The following MECOM variants were observed in gnomAD, a reference collection of about 807,000 sequenced individuals.
The protein encoded by MECOM is MDS1 and EVI1 complex locus.
MECOM carries 13 observed loss-of-function variants against 116.3 expected under a neutral mutation model. That is an observed-to-expected ratio of 0.11 (90% CI 0.07 to 0.18). The LOEUF (loss-of-function observed/expected upper bound fraction) is 0.18. Among genes scored for constraint, MECOM ranks in the 10% least tolerant of loss-of-function variants. The pLI is 1.00. For synonymous variants in MECOM, 528 were observed against 535.2 expected (o/e 0.99, Z 0.19); for missense variants, 1,299 against 1,509.0 (o/e 0.86, Z 2.31).
chr3:169,385,103 C>CAAA (rs751654546), intron 1 of MECOM, among the ~76,000 whole-genome samples: 10 of 81,286 alleles, frequency 1.2e-4, no homozygotes, highest in Admixed American at 5.0e-4. Flanking sequence ...GACCCTGTCT[C>CAAA]AAAAAAAAAA....
At chr3:169,097,392 A>C (rs980361368) in intron 12 of MECOM, among the ~76,000 whole-genome samples, 1 of 152,150 alleles carries the variant, frequency 6.6e-6, no homozygotes, top group Non-Finnish European at 1.5e-5. Context: ...CAATTCCAAT[A>C]AGAGCCTAAG....
In MECOM at chr3:169,232,641, TAA is replaced by T. The variant is rs1753538515; in HGVS notation, c.376-88811_376-88810del. The stretch of plus-strand genomic sequence containing the variant: ...TACATAGGAATCCAGTAACCATTTG[TAA>T]AATATATATATATATATATGTATAC... On this transcript the variant is annotated intron_variant, in intron 2 of 16. Transcript: ENST00000651503. Among the ~76,000 whole-genome samples the T allele has an allele frequency of 3.9e-5, 4 of 103,480 alleles. No individual in the cohort carries two copies. In the South Asian group the frequency reaches 1.1e-3, roughly 29 times the overall value. 67.9% of individuals were successfully genotyped at this position (103,480 alleles called of 152,430 possible). A position where few individuals can be genotyped will look rare whatever the true frequency, so the allele number is the denominator to read the frequency against.
At chr3:169,441,744 T>TTTTTTTTG (rs1237906532) in intron 1 of MECOM, among the ~76,000 whole-genome samples, 11 of 142,098 alleles carry the variant, frequency 7.7e-5, no homozygotes, top group South Asian at 2.3e-4. Context: ...TTTTTTTTTT[T>TTTTTTTTG]AAAAAAGGGG....
chr3:169,193,990 A>G (rs1456327840), intron 2 of MECOM, among the ~76,000 whole-genome samples: 1 of 152,068 alleles, frequency 6.6e-6, no homozygotes, highest in East Asian at 1.9e-4. Flanking sequence ...TCCTCCAAAT[A>G]CTAATACTGT....
intron 1 of MECOM, among the ~76,000 whole-genome samples, chr3:169,456,911 A>G (rs938405829): frequency 6.6e-6 from 1 of 152,166 alleles, no homozygotes; most frequent in Non-Finnish European, 1.5e-5. Flanking sequence ...TGTGAAAACC[A>G]AGGACTGAAA....
At chr3:169,172,313 A>G (rs1159735515) in intron 2 of MECOM, among the ~76,000 whole-genome samples, 17 of 152,042 alleles carry the variant, frequency 1.1e-4, no homozygotes, top group Admixed American at 1.0e-3. Context: ...TTATCTCCCA[A>G]TGTTATACAA....
At chr3:169,114,791 CAAAGG>C (rs764706592) in intron 8 of MECOM, among the ~76,000 whole-genome samples, 2 of 152,112 alleles carry the variant, frequency 1.3e-5, no homozygotes, top group Non-Finnish European at 2.9e-5. Flanking sequence ...TTTGCTACAT[CAAAGG>C]AAACCGGATA....
At chr3:169,210,590 A>C (rs1750585646) in intron 2 of MECOM, among the ~76,000 whole-genome samples, 1 of 152,162 alleles carries the variant, frequency 6.6e-6, no homozygotes, top group African/African-American at 2.4e-5. Flanking sequence ...TAATCAGAAG[A>C]AATAGAGATC....
intron 1 of MECOM, among the ~76,000 whole-genome samples, chr3:169,519,851 C>G (rs192707353): frequency 7.9e-5 from 12 of 152,242 alleles, no homozygotes; most frequent in African/African-American, 2.7e-4. Context: ...GATAACCCCC[C>G]CTTGCCCATT....
chr3:169,238,400 C>T (rs527706608), intron 2 of MECOM, among the ~76,000 whole-genome samples: 4 of 151,994 alleles, frequency 2.6e-5, no homozygotes, highest in South Asian at 2.1e-4. Context: ...CAGGAACATG[C>T]GAAGAGTTAC....
At chr3:169,144,629 CA>C (rs1560269718) in intron 2 of MECOM, among the ~76,000 whole-genome samples, 1 of 152,004 alleles carries the variant, frequency 6.6e-6, no homozygotes, top group Non-Finnish European at 1.5e-5. Flanking sequence ...ACACACTAAA[CA>C]AAAATTGAAG....
chr3:169,375,820 C>T (rs1156407374), intron 2 of MECOM, among the ~76,000 whole-genome samples: 18 of 152,152 alleles, frequency 1.2e-4, no homozygotes, highest in African/African-American at 4.3e-4. Flanking sequence ...TCCTCCCTAA[C>T]TCATTTTATG....
rs149018153 is a variant in MECOM at position 169,178,224 on chromosome 3, G to T, written c.376-34392C>A. On this transcript the variant is annotated intron_variant, in intron 2 of 16. Coordinates refer to ENST00000651503, the MANE Select transcript of MECOM (RefSeq NM_004991.4). ...AGGAACTGAGAGAAATTCAGGAACT[G>T]AGCGAAGAATGTACAAAGATGGCAG... is the stretch of plus-strand genomic sequence containing the variant. Among the ~76,000 whole-genome samples, 108 of 152,332 alleles carry T rather than the reference G, an allele frequency of 7.1e-4. 1 individual carries two copies. In the East Asian group the frequency reaches 0.018, roughly 26 times the overall value.
intron 1 of MECOM, among the ~76,000 whole-genome samples, chr3:169,579,470 C>G (rs1173321495): frequency 2.6e-5 from 4 of 152,110 alleles, no homozygotes; most frequent in African/African-American, 7.2e-5. Context: ...TGAAAGAAAA[C>G]TTGAGCGCTA....
At chr3:169,343,199 A>G (rs1724834265) in intron 2 of MECOM, among the ~76,000 whole-genome samples, 1 of 152,152 alleles carries the variant, frequency 6.6e-6, no homozygotes, top group South Asian at 2.1e-4. Flanking sequence ...ACAATGCGTA[A>G]TAGCCTGATA....
chr3:169,333,984 T>C (rs1390416310), intron 2 of MECOM, among the ~76,000 whole-genome samples: 3 of 151,838 alleles, frequency 2.0e-5, no homozygotes, highest in Non-Finnish European at 4.4e-5. Context: ...TTTACTCTTT[T>C]TGAGGCATCT....
chr3:169,439,174 G>A (rs1428554647), intron 1 of MECOM, among the ~76,000 whole-genome samples: 5 of 142,024 alleles, frequency 3.5e-5, no homozygotes, highest in Non-Finnish European at 7.5e-5. Context: ...TTAGTATCCA[G>A]AATATATTAG....
At chr3:169,495,527 G>C (rs1024838095) in intron 1 of MECOM, among the ~76,000 whole-genome samples, 1 of 152,070 alleles carries the variant, frequency 6.6e-6, no homozygotes, top group Admixed American at 6.6e-5. Context: ...TATATTTTTC[G>C]AAAGAATGCT....
intron 1 of MECOM, among the ~76,000 whole-genome samples, chr3:169,609,619 G>A (rs1769009846): frequency 6.6e-6 from 1 of 152,144 alleles, no homozygotes; most frequent in Admixed American, 6.5e-5. Flanking sequence ...TTTAAGATAT[G>A]TTGGTAGGAA....
Sources: allele counts gnomAD v4.1 joint callset (sites outside exome capture counted in the v4.1 genomes callset), GRCh38; gene constraint gnomAD v4.1.1; transcripts MANE v1.5; gene names NCBI Gene and HGNC (gene_info 2026-07-23, HGNC 2026-07-21).